Variants in RABGAP1 observed in about 807,000 individuals in gnomAD.
RABGAP1 encodes rab GTPase-activating protein 1.
RABGAP1 carries 23 observed loss-of-function variants against 137.6 expected under a neutral mutation model. The ratio of observed to expected loss-of-function variants is 0.17; its 90% CI spans 0.12 to 0.24. The LOEUF (loss-of-function observed/expected upper bound fraction) is 0.24. RABGAP1 is among the 10% of genes least tolerant of loss of function. RABGAP1 has a pLI of 1.00. For missense variants in RABGAP1, 906 were observed against 1,275.8 expected, an observed-to-expected ratio of 0.71 and a Z score of 4.42; for synonymous variants, 451 against 450.7, an observed-to-expected ratio of 1.00 and a Z score of -0.01.
At chr9:123,014,011 G>A (rs553069487) in intron 11 of RABGAP1, among the ~76,000 whole-genome samples, 188 of 152,256 alleles carry the variant, frequency 1.2e-3, no homozygotes, top group Middle Eastern at 6.8e-3. Flanking sequence ...TCAGTTTGTC[G>A]GAAATTTTCA....
intron 14 of RABGAP1, among the ~76,000 whole-genome samples, chr9:123,068,192 A>G (rs2034239759): frequency 6.6e-6 from 1 of 152,072 alleles, no homozygotes; most frequent in Admixed American, 6.6e-5. Flanking sequence ...TCTACTAAAA[A>G]TACAAAAATT....
chr9:123,049,968 A>G (rs1010329204), intron 13 of RABGAP1, among the ~76,000 whole-genome samples: 1 of 152,226 alleles, frequency 6.6e-6, no homozygotes, highest in Non-Finnish European at 1.5e-5. Context: ...AGGTCACACA[A>G]ATTAGTAAGT....
At chr9:123,101,496 G>C in intron 24 of RABGAP1, 70 bp from the exon 25 acceptor site, 16 of 1,419,904 alleles carry the variant, frequency 1.1e-5, no homozygotes, top group Non-Finnish European at 1.5e-5. Context: ...TCCCCCAAAG[G>C]AGATGCTCAC....
chr9:123,063,318 T>A (rs1185765182), intron 13 of RABGAP1: 2 of 152,886 alleles, frequency 1.3e-5, no homozygotes, highest in Admixed American at 1.3e-4. Flanking sequence ...CATCTGATTC[T>A]CTCTGGATTG....
intron 13 of RABGAP1, among the ~76,000 whole-genome samples, chr9:123,027,149 G>GCTC (rs1489727721): frequency 7.8e-6 from 1 of 128,960 alleles, no homozygotes; most frequent in African/African-American, 3.0e-5. Flanking sequence ...TCGCTCTCTC[G>GCTC]CTCTGTTGCC....
chr9:123,020,177 T>A, intron 12 of RABGAP1, 132 bp from the exon 13 acceptor site: 1 of 794,228 alleles, frequency 1.3e-6, no homozygotes, highest in Non-Finnish European at 1.7e-6. Flanking sequence ...CAGAAGCACT[T>A]TTTTTTCCCT....
At position 122,975,082 on chromosome 9, in the gene RABGAP1, T is replaced by C. The variant is rs541462090; in HGVS notation, c.151-9403T>C. Reference sequence around the variant, plus strand: ...GCTTTTACACTGAAGCTCAGCAATATTACTCAGTTTGAACCATTTTCATTT... The same window carrying C: ...GCTTTTACACTGAAGCTCAGCAATACTACTCAGTTTGAACCATTTTCATTT... On this transcript the variant is annotated intron_variant, in intron 2 of 25. Coordinates refer to ENST00000373647, the MANE Select transcript of RABGAP1 (RefSeq NM_012197.4). Among the ~76,000 whole-genome samples the C allele has an allele frequency of 4.5e-4, 68 of 152,346 alleles. No homozygotes were observed. In the South Asian group the frequency reaches 0.014, roughly 31 times the overall value.
At chr9:122,975,575 G>C (rs926045076) in intron 2 of RABGAP1, among the ~76,000 whole-genome samples, 1 of 152,116 alleles carries the variant, frequency 6.6e-6, no homozygotes, top group Non-Finnish European at 1.5e-5. Flanking sequence ...GTTTCTTTGG[G>C]CCACGAAAAG....
At chr9:123,056,549 G>A (rs2430396) in intron 13 of RABGAP1, among the ~76,000 whole-genome samples, 109,069 of 144,884 alleles carry the variant, frequency 0.75, 43,111 homozygotes, top group Middle Eastern at 0.88. Flanking sequence ...GCAGGGTCAT[G>A]GGACAATAGT....
chr9:122,950,373 C>CTTTTTTTTT (rs1834164826), intron 1 of RABGAP1, among the ~76,000 whole-genome samples: 5 of 48,796 alleles, frequency 1.0e-4, no homozygotes, highest in African/African-American at 4.0e-4. Context: ...TTTTCTTTTT[C>CTTTTTTTTT]TTTCTTTTTT....
intron 5 of RABGAP1, chr9:122,989,849 G>A (rs1836572785): frequency 1.8e-6 from 1 of 548,908 alleles, no homozygotes; most frequent in Non-Finnish European, 3.1e-6. Context: ...GATTTATAGT[G>A]CTTACAACCA....
At chr9:122,958,279 T>G (rs995949505) in intron 2 of RABGAP1, among the ~76,000 whole-genome samples, 2 of 152,206 alleles carry the variant, frequency 1.3e-5, no homozygotes, top group Non-Finnish European at 2.9e-5. Flanking sequence ...TGTGCGAAGC[T>G]GGGGCTGTGG....
At chr9:123,006,707 A>C (rs560235276) in intron 10 of RABGAP1, among the ~76,000 whole-genome samples, 5 of 152,276 alleles carry the variant, frequency 3.3e-5, no homozygotes, top group African/African-American at 1.2e-4. Context: ...TCCCTGGTTC[A>C]AGCAATTCTC....
intron 21 of RABGAP1, among the ~76,000 whole-genome samples, chr9:123,095,642 T>C (rs6478591): frequency 0.13 from 19,848 of 151,844 alleles, 4,244 homozygotes; most frequent in African/African-American, 0.45. Flanking sequence ...TTCAAGGTTA[T>C]GGTGAGCTAT....
At chr9:122,962,969 T>G (rs866278202) in intron 2 of RABGAP1, among the ~76,000 whole-genome samples, 1 of 152,278 alleles carries the variant, frequency 6.6e-6, no homozygotes, top group Middle Eastern at 3.4e-3. Flanking sequence ...ACAAAAAACT[T>G]TACTAGAGGT....
At chr9:122,975,175 C>T (rs995047885) in intron 2 of RABGAP1, among the ~76,000 whole-genome samples, 1 of 152,164 alleles carries the variant, frequency 6.6e-6, no homozygotes, top group Admixed American at 6.5e-5. Context: ...CTTTAATTTT[C>T]TGATCATCTA....
At chr9:122,951,790 C>G (rs1467521558) in intron 1 of RABGAP1, among the ~76,000 whole-genome samples, 1 of 152,002 alleles carries the variant, frequency 6.6e-6, no homozygotes, top group Admixed American at 6.6e-5. Flanking sequence ...CCAGGCTGGT[C>G]TTGAAATCTT....
chr9:123,011,268 A>T (rs1288039410), intron 11 of RABGAP1, among the ~76,000 whole-genome samples: 3 of 152,170 alleles, frequency 2.0e-5, no homozygotes, highest in Non-Finnish European at 4.4e-5. Flanking sequence ...TTCGGTTTTC[A>T]TTGTGGGGAA....
At chr9:123,053,608 A>C (rs1396310893) in intron 13 of RABGAP1, among the ~76,000 whole-genome samples, 1 of 152,188 alleles carries the variant, frequency 6.6e-6, no homozygotes, top group African/African-American at 2.4e-5. Context: ...GTATATTGTA[A>C]AGATAGGACA....
Sources: allele counts gnomAD v4.1 joint callset (sites outside exome capture counted in the v4.1 genomes callset), GRCh38; gene constraint gnomAD v4.1.1; transcripts MANE v1.5; gene names NCBI Gene and HGNC (gene_info 2026-07-23, HGNC 2026-07-21).